RNF13: variants seen among roughly 807,000 people sequenced by gnomAD.
RNF13 encodes ring finger protein 13.
In RNF13, 19 loss-of-function variants were observed where a neutral mutation model predicts 37.7. The observed-to-expected ratio is 0.50, with a 90% CI of 0.35 to 0.74. The LOEUF (loss-of-function observed/expected upper bound fraction) is 0.74, where lower values mean the gene tolerates loss of function less well. Ranked by LOEUF, RNF13 falls within the 30% of genes least tolerant of loss-of-function variation. RNF13 has a pLI of 0.01. For missense variants in RNF13, 375 were observed against 453.0 expected (o/e 0.83, Z 1.56); for synonymous variants, 144 against 157.8 (o/e 0.91, Z 0.65).
chr3:149,859,579 T>TTA (rs1407993648), intron 3 of RNF13, among the ~76,000 whole-genome samples: 1 of 152,186 alleles, frequency 6.6e-6, no homozygotes, highest in Non-Finnish European at 1.5e-5. Flanking sequence ...TCTCATTGCA[T>TTA]TACTGGGCAT....
chr3:149,815,822 A>G (rs981731125), intron 1 of RNF13, among the ~76,000 whole-genome samples: 5 of 152,212 alleles, frequency 3.3e-5, no homozygotes, highest in African/African-American at 9.6e-5. Context: ...ATTGGTTAAT[A>G]TGAGCCAAAT....
At chr3:149,951,488 CTG>C (rs1474158230) in intron 8 of RNF13, among the ~76,000 whole-genome samples, 1 of 152,158 alleles carries the variant, frequency 6.6e-6, no homozygotes, top group African/African-American at 2.4e-5. Context: ...CTGAAGGAAA[CTG>C]AGAGAGTTGG....
At chr3:149,823,967 A>G (rs919014398) in intron 1 of RNF13, among the ~76,000 whole-genome samples, 9 of 152,172 alleles carry the variant, frequency 5.9e-5, no homozygotes, top group African/African-American at 2.2e-4. Context: ...GAAATGGCTG[A>G]TTTCAGGGCT....
intron 8 of RNF13, among the ~76,000 whole-genome samples, chr3:149,924,386 G>A (rs184525761): frequency 1.7e-3 from 262 of 152,240 alleles, no homozygotes; most frequent in Non-Finnish European, 3.2e-3. Context: ...AAGAGAGTGC[G>A]TACAGAGAGA....
chr3:149,927,630 C>G (rs912209336), intron 8 of RNF13, among the ~76,000 whole-genome samples: 1 of 152,096 alleles, frequency 6.6e-6, no homozygotes, highest in African/African-American at 2.4e-5. Context: ...CACTTGTATT[C>G]TGTTGTTTTG....
At chr3:149,876,498 T>TA (rs1462323554) in intron 4 of RNF13, among the ~76,000 whole-genome samples, 5 of 152,156 alleles carry the variant, frequency 3.3e-5, no homozygotes, top group Non-Finnish European at 7.3e-5. Context: ...GGGATACAGA[T>TA]ACAAAACTTA....
chr3:149,937,919 G>A (rs1180515106), intron 8 of RNF13, among the ~76,000 whole-genome samples: 4 of 151,990 alleles, frequency 2.6e-5, no homozygotes, highest in Admixed American at 2.6e-4. Context: ...GGATGATGAA[G>A]TAGTGTGTAT....
intron 8 of RNF13, among the ~76,000 whole-genome samples, chr3:149,938,339 G>A (rs887265450): frequency 2.4e-4 from 36 of 151,582 alleles, no homozygotes; most frequent in Non-Finnish European, 3.7e-4. Context: ...CACCATGCCC[G>A]GCTAATTTTT....
Position 149,846,074 on chromosome 3 carries a change from C to T in RNF13, c.48C>T (p.Tyr16=), listed in dbSNP as rs775888275. ...GMLMLSATQV[Y]TILTVQLFAF... is the part of the protein sequence containing the mutation. ...TCATGCTGTCAGCCACACAAGTCTA[C>T]ACCATCTTGACTGTCCAGCTCTTTG... Residue 16 remains tyrosine, a synonymous_variant, in exon 2 of 10, where the codon TAC becomes TAT. Transcript: ENST00000392894. 1.9e-6 allele frequency: 3 copies of T among 1,612,832 alleles called. No homozygotes were observed. The highest frequency in any genetic ancestry group is 2.5e-6 in the Non-Finnish European group (3 of 1,179,864).
chr3:149,855,491 A>C (rs1723555782), intron 3 of RNF13, among the ~76,000 whole-genome samples: 1 of 151,372 alleles, frequency 6.6e-6, no homozygotes, highest in South Asian at 2.1e-4. Flanking sequence ...TTAAAAATAC[A>C]TATATATGTA....
Position 149,852,616 on chromosome 3 carries a change from A to C in RNF13, c.195+20A>C. 3 of 1,217,564 alleles carry C rather than the reference A, an allele frequency of 2.5e-6. No homozygotes were observed. Among genetic ancestry groups the C allele is most frequent in the Non-Finnish European group, 3.5e-6 (3 of 859,202 alleles). The allele number at this position is 1,217,564 out of a possible 1,614,324, so 75.4% of individuals were successfully genotyped here. A position where few individuals can be genotyped will look rare whatever the true frequency, so the allele number is the denominator to read the frequency against. On this transcript the variant is annotated intron_variant, in intron 3 of 9. Coordinates refer to ENST00000392894, the MANE Select transcript of RNF13 (RefSeq NM_183381.3). ...TTAAAGGTAAGACAGTTGGTAATACATTGTAAAGACACAAGGTATTTAATA... is the reference window on the plus strand; with the variant it reads ...TTAAAGGTAAGACAGTTGGTAATACCTTGTAAAGACACAAGGTATTTAATA...
chr3:149,860,270 A>AAT lies in RNF13; in HGVS notation c.195+7704_195+7705dup, dbSNP rs1186058605. Among the ~76,000 whole-genome samples the AAT allele has an allele frequency of 8.5e-3, 887 of 103,986 alleles. 19 individuals carry two copies. Among genetic ancestry groups the AAT allele is most frequent in the South Asian group, 0.013 (46 of 3,488 alleles). The allele number at this position is 103,986 out of a possible 152,430, so 68.2% of individuals were successfully genotyped here. A position where few individuals can be genotyped will look rare whatever the true frequency, so the allele number is the denominator to read the frequency against. On this transcript the variant is annotated intron_variant, in intron 3 of 9. Coordinates refer to ENST00000392894, the MANE Select transcript of RNF13 (RefSeq NM_183381.3). ...GAGACTCCATCTAAAAAAAAAAAAA[A>AAT]ATATATATATATATATATATATATA...
chr3:149,820,065 A>C (rs1719872947), intron 1 of RNF13, among the ~76,000 whole-genome samples: 1 of 152,184 alleles, frequency 6.6e-6, no homozygotes, highest in Non-Finnish European at 1.5e-5. Flanking sequence ...CTGAAAAGAA[A>C]ACTGAAATTT....
intron 4 of RNF13, among the ~76,000 whole-genome samples, chr3:149,881,201 G>A (rs748151693): frequency 5.9e-5 from 9 of 152,100 alleles, no homozygotes; most frequent in Non-Finnish European, 1.3e-4. Flanking sequence ...TTTTGCCTAA[G>A]CACTTCTAAG....
intron 1 of RNF13, among the ~76,000 whole-genome samples, chr3:149,837,339 A>T (rs1721723328): frequency 6.6e-6 from 1 of 152,222 alleles, no homozygotes; most frequent in South Asian, 2.1e-4. Flanking sequence ...AGTGCTTTAA[A>T]TGACAGATAT....
intron 8 of RNF13, among the ~76,000 whole-genome samples, chr3:149,931,988 T>C (rs998830067): frequency 1.3e-5 from 2 of 152,156 alleles, no homozygotes; most frequent in African/African-American, 4.8e-5. Context: ...TGTCCTCTAG[T>C]TCCATCCATG....
At chr3:149,938,166 A>G (rs1421039908) in intron 8 of RNF13, among the ~76,000 whole-genome samples, 2 of 151,088 alleles carry the variant, frequency 1.3e-5, no homozygotes, top group Non-Finnish European at 2.9e-5. Context: ...TATATATATA[A>G]TTTTTTAAAA....
At chr3:149,860,297 AT>A (rs1559912471) in intron 3 of RNF13, among the ~76,000 whole-genome samples, 3 of 143,274 alleles carry the variant, frequency 2.1e-5, no homozygotes, top group South Asian at 2.2e-4. Context: ...ATATATATAT[AT>A]ATAACGTGTA....
chr3:149,901,997 C>T, intron 5 of RNF13, 75 bp from the exon 6 acceptor site: 1 of 570,264 alleles, frequency 1.8e-6, no homozygotes, highest in Non-Finnish European at 3.0e-6. Context: ...GTTGCATTTG[C>T]TGCTATTATG....
Sources: allele counts gnomAD v4.1 joint callset (sites outside exome capture counted in the v4.1 genomes callset), GRCh38; gene constraint gnomAD v4.1.1; transcripts MANE v1.5; gene names NCBI Gene and HGNC (gene_info 2026-07-23, HGNC 2026-07-21).